FBXL20: variants seen among roughly 807,000 people sequenced by gnomAD.
FBXL20 encodes F-box/LRR-repeat protein 20.
Under a neutral mutation model 64.0 loss-of-function variants are expected in FBXL20, and 11 were observed. The observed-to-expected ratio is 0.17, with a 90% CI of 0.11 to 0.28. The LOEUF is 0.28. FBXL20 is among the 10% of genes least tolerant of loss of function. FBXL20 has a pLI of 1.00. For synonymous variants in FBXL20, 184 were observed against 189.0 expected (o/e 0.97, Z 0.22); for missense variants, 303 against 526.2 (o/e 0.58, Z 4.15).
intron 2 of FBXL20, among the ~76,000 whole-genome samples, chr17:39,323,587 T>C (rs185343723): frequency 6.3e-4 from 96 of 152,206 alleles, no homozygotes; most frequent in African/African-American, 2.3e-3. Context: ...CTTTACTCAA[T>C]TGCAATTGTA....
chr17:39,346,913 A>G (rs2047639166), intron 1 of FBXL20, among the ~76,000 whole-genome samples: 1 of 145,984 alleles, frequency 6.9e-6, no homozygotes, highest in Non-Finnish European at 1.5e-5. Flanking sequence ...TCATTGTTCA[A>G]TTCCCATCTA....
rs1420618002 is a variant in FBXL20 at position 39,377,309 on chromosome 17, T to A, written c.42+24052A>T. Among the ~76,000 whole-genome samples the A allele has an allele frequency of 2.0e-5, 3 of 152,000 alleles. No homozygotes were observed. The East Asian group carries it at 5.8e-4, about 29-fold the overall frequency. On this transcript the variant is annotated intron_variant, in intron 1 of 14. Transcript: ENST00000264658. Reference sequence around the variant, plus strand: ...AGGACAGCTTCGACTCCCTATGATTTCATCCCTGACCAATCAGCACTCCTG... The same window carrying A: ...AGGACAGCTTCGACTCCCTATGATTACATCCCTGACCAATCAGCACTCCTG...
intron 6 of FBXL20, among the ~76,000 whole-genome samples, chr17:39,289,980 T>C (rs1386989798): frequency 5.2e-5 from 6 of 114,810 alleles, no homozygotes; most frequent in Admixed American, 1.3e-4. Flanking sequence ...GCCTGGGCAA[T>C]AGTGCGAGAC....
At chr17:39,353,683 C>T (rs2047709899) in intron 1 of FBXL20, among the ~76,000 whole-genome samples, 1 of 151,722 alleles carries the variant, frequency 6.6e-6, no homozygotes, top group South Asian at 2.1e-4. Flanking sequence ...AGTGCAGTGG[C>T]ACAATCTTGG....
chr17:39,285,857 A>C (rs1187136862), intron 6 of FBXL20, among the ~76,000 whole-genome samples: 1 of 152,248 alleles, frequency 6.6e-6, no homozygotes, highest in Non-Finnish European at 1.5e-5. Context: ...CATGATACTT[A>C]ATGTGAGTTC....
At chr17:39,352,107 T>C (rs2047693153) in intron 1 of FBXL20, among the ~76,000 whole-genome samples, 1 of 152,188 alleles carries the variant, frequency 6.6e-6, no homozygotes, top group South Asian at 2.1e-4. Flanking sequence ...TTTGACACAT[T>C]TGAGGGATCT....
chr17:39,398,197 G>C (rs898372470), intron 1 of FBXL20, among the ~76,000 whole-genome samples: 3 of 151,952 alleles, frequency 2.0e-5, no homozygotes, highest in African/African-American at 7.3e-5. Context: ...CAGTAGAATC[G>C]CTTAAAACCT....
At chr17:39,368,811 A>G (rs2047886833) in intron 1 of FBXL20, among the ~76,000 whole-genome samples, 1 of 152,000 alleles carries the variant, frequency 6.6e-6, no homozygotes, top group Non-Finnish European at 1.5e-5. Flanking sequence ...GCAGGCCACC[A>G]CACCGGGCTA....
chr17:39,370,538 G>C (rs2047906694), intron 1 of FBXL20, among the ~76,000 whole-genome samples: 1 of 151,248 alleles, frequency 6.6e-6, no homozygotes, highest in African/African-American at 2.4e-5. Context: ...TGTAATCCCA[G>C]CACTTTGGGA....
intron 2 of FBXL20, among the ~76,000 whole-genome samples, chr17:39,335,191 T>A (rs1567885103): frequency 6.6e-6 from 1 of 152,156 alleles, no homozygotes; most frequent in Non-Finnish European, 1.5e-5. Context: ...ATGTAATGCA[T>A]GTCTTAACTG....
chr17:39,257,924 G>A lies in FBXL20; in HGVS notation c.*3536C>T, dbSNP rs1345268135. On this transcript the variant is annotated 3_prime_UTR_variant, in exon 15 of 15. Transcript: ENST00000264658. ...CTGATGAAGAGGATGAAAAGACATT[G>A]ATGTAGCAAATGATGCTGGAAGATG... 1 of 152,932 alleles carries A rather than the reference G, an allele frequency of 6.5e-6. No individual in the cohort carries two copies. 9.5% of individuals were successfully genotyped at this position (152,932 alleles called of 1,614,324 possible). A position where few individuals can be genotyped will look rare whatever the true frequency, so the allele number is the denominator to read the frequency against.
intron 14 of FBXL20, among the ~76,000 whole-genome samples, chr17:39,263,430 C>A (rs2046765194): frequency 6.6e-6 from 1 of 151,766 alleles, no homozygotes; most frequent in South Asian, 2.1e-4. Context: ...TGGCAGGAAG[C>A]CTTGAGCCTG....
At chr17:39,284,949 T>TG (rs2046976384) in intron 7 of FBXL20, among the ~76,000 whole-genome samples, 1 of 1,646 alleles carries the variant, frequency 6.1e-4, no homozygotes, top group African/African-American at 8.2e-4. Context: ...TTTTTTTTTG[T>TG]TTTTTTTGAG....
intron 2 of FBXL20, among the ~76,000 whole-genome samples, chr17:39,336,393 CAAAG>C (rs1301471932): frequency 1.3e-5 from 2 of 152,044 alleles, no homozygotes; most frequent in Non-Finnish European, 2.9e-5. Context: ...ATTTAAAAGA[CAAAG>C]AAAGGCTGAG....
At chr17:39,378,768 C>T (rs890827605) in intron 1 of FBXL20, among the ~76,000 whole-genome samples, 2 of 151,704 alleles carry the variant, frequency 1.3e-5, no homozygotes, top group African/African-American at 4.8e-5. Flanking sequence ...CACCACCACG[C>T]CCAGCTAATT....
intron 1 of FBXL20, among the ~76,000 whole-genome samples, chr17:39,363,698 C>A (rs2047822197): frequency 6.6e-6 from 1 of 151,004 alleles, no homozygotes; most frequent in South Asian, 2.1e-4. Context: ...ATAGTCCCAG[C>A]TACTTGGGAG....
intron 1 of FBXL20, among the ~76,000 whole-genome samples, chr17:39,388,691 C>T (rs56326396): frequency 6.6e-6 from 1 of 150,924 alleles, no homozygotes; most frequent in East Asian, 2.0e-4. Flanking sequence ...ACCATGTTGG[C>T]CAGGATGGTC....
intron 14 of FBXL20, among the ~76,000 whole-genome samples, chr17:39,262,375 G>A (rs2144332909): frequency 6.6e-6 from 1 of 152,130 alleles, no homozygotes; most frequent in South Asian, 2.1e-4. Context: ...TCCGCCTCCT[G>A]GTTCAAGCGA....
At chr17:39,371,978 G>A (rs1364043833) in intron 1 of FBXL20, among the ~76,000 whole-genome samples, 3 of 152,116 alleles carry the variant, frequency 2.0e-5, no homozygotes, top group Admixed American at 6.6e-5. Flanking sequence ...TCTGTTGTAC[G>A]TGGTACCTTC....
Sources: gnomAD v4.1 joint callset for allele counts (sites outside exome capture counted in the v4.1 genomes callset) on GRCh38, gnomAD v4.1.1 for gene constraint, MANE v1.5 for transcripts, NCBI Gene and HGNC (gene_info 2026-07-23, HGNC 2026-07-21) for gene names.